Variants in BRWD1 observed in about 807,000 individuals in gnomAD.
BRWD1 encodes the protein bromodomain and WD repeat-containing protein 1.
In BRWD1, 82 loss-of-function variants were observed where a neutral mutation model predicts 251.2. That is an observed-to-expected ratio of 0.33 (90% confidence interval 0.27 to 0.39). BRWD1 has a LOEUF of 0.39. BRWD1 is among the 10% of genes least tolerant of loss of function. BRWD1 has a pLI of 1.00. For missense variants in BRWD1, 2,233 were observed against 2,711.6 expected (o/e 0.82, Z 3.92); for synonymous variants, 918 against 902.8 (o/e 1.02, Z -0.30).
At chr21:39,260,499 A>C in intron 17 of BRWD1, among the ~76,000 whole-genome samples, 1 of 152,214 alleles carries the variant, frequency 6.6e-6, no homozygotes, top group East Asian at 1.9e-4. Flanking sequence ...TCAGAATGTT[A>C]ACTGTCTCTA....
intron 23 of BRWD1, among the ~76,000 whole-genome samples, chr21:39,234,843 T>G (rs2033753816): frequency 6.6e-6 from 1 of 152,170 alleles, no homozygotes; most frequent in Admixed American, 6.5e-5. Context: ...ACATCATCAG[T>G]GAAAACTGTT....
chr21:39,281,855 A>G (rs6517536), intron 8 of BRWD1, among the ~76,000 whole-genome samples: 140,274 of 151,464 alleles, frequency 0.93, 65,309 homozygotes, highest in African/African-American at 0.97. Context: ...ACAACACAGC[A>G]AGACTCCTTC....
intron 33 of BRWD1, among the ~76,000 whole-genome samples, 193 bp downstream of exon 33, chr21:39,213,288 A>C (rs1239382677): frequency 1.3e-5 from 2 of 152,204 alleles, no homozygotes; most frequent in African/African-American, 4.8e-5. Context: ...ATTCACTTAG[A>C]TATATTTTGA....
At chr21:39,257,361 T>C (rs1428842635) in intron 18 of BRWD1, among the ~76,000 whole-genome samples, 1 of 152,194 alleles carries the variant, frequency 6.6e-6, no homozygotes, top group African/African-American at 2.4e-5. Flanking sequence ...CTATTCAGTA[T>C]TCCTGTCTAA....
At chr21:39,275,422 C>T (rs894709016) in intron 12 of BRWD1, among the ~76,000 whole-genome samples, 2 of 152,038 alleles carry the variant, frequency 1.3e-5, no homozygotes, top group African/African-American at 2.4e-5. Context: ...TACTTTTGGT[C>T]GCTAGAAGCT....
intron 4 of BRWD1, among the ~76,000 whole-genome samples, chr21:39,303,688 T>C (rs752875078): frequency 1.7e-4 from 26 of 150,828 alleles, no homozygotes; most frequent in East Asian, 2.0e-4. Context: ...CCAGGTGTGG[T>C]GGTGCATGCC....
chr21:39,277,709 G>A (rs2035321782), intron 10 of BRWD1, among the ~76,000 whole-genome samples: 1 of 152,096 alleles, frequency 6.6e-6, no homozygotes, highest in African/African-American at 2.4e-5. Context: ...GATTACAGGA[G>A]CACACCAGCA....
chr21:39,232,116 T>C, intron 25 of BRWD1, 61 bp downstream of exon 25: 1 of 1,237,780 alleles, frequency 8.1e-7, no homozygotes, highest in Non-Finnish European at 1.2e-6. Context: ...AATAGATTTG[T>C]AAGTAATTTA....
In BRWD1 at chr21:39,243,244, C is replaced by T. The variant is rs1015980027; in HGVS notation, c.2481+4457G>A. ...GCATGACCCTAATCATCAAAATTAC[C>T]AGTCATAAATCATCAAAAAATATCA... On this transcript the variant is annotated intron_variant, in intron 21 of 40. Transcript: ENST00000342449. 3.3e-5 allele frequency among the ~76,000 whole-genome samples: 5 copies of T among 152,158 alleles called. No homozygotes were observed. In the South Asian group the frequency reaches 1.0e-3, roughly 32 times the overall value.
At chr21:39,262,569 G>A (rs895967807) in intron 17 of BRWD1, among the ~76,000 whole-genome samples, 1 of 152,146 alleles carries the variant, frequency 6.6e-6, no homozygotes. Flanking sequence ...ACAAAAATTA[G>A]CTGGGTGTGG....
chr21:39,228,368 AG>A (rs1157192042), intron 27 of BRWD1, 131 bp downstream of exon 27: 1 of 618,058 alleles, frequency 1.6e-6, no homozygotes, highest in Non-Finnish European at 2.9e-6. Context: ...ATATATTTAT[AG>A]GTCACTTATA....
Position 39,295,921 on chromosome 21 carries a change from T to C in BRWD1, c.449-18A>G, listed in dbSNP as rs1244926548. 6.4e-7 allele frequency: 1 copy of C among 1,566,674 alleles called. No individual in the cohort carries two copies. The highest frequency in any genetic ancestry group is 8.7e-7 in the Non-Finnish European group (1 of 1,154,882). Reference sequence around the variant, plus strand: ...TATCTCCACTAGGAAATAAAAACAATGAAAATGGTTAAGGGAGAGCCAATA... The same window carrying C: ...TATCTCCACTAGGAAATAAAAACAACGAAAATGGTTAAGGGAGAGCCAATA... On this transcript the variant is annotated intron_variant, in intron 6 of 40. Transcript: ENST00000342449.
intron 22 of BRWD1, 57 bp from the exon 23 acceptor site, chr21:39,236,841 A>C: frequency 1.4e-6 from 2 of 1,433,128 alleles, no homozygotes; most frequent in Non-Finnish European, 1.9e-6. Context: ...ACTGATAGCA[A>C]GTCAATCATA....
chr21:39,311,471 A>G (rs973067557), intron 4 of BRWD1, among the ~76,000 whole-genome samples: 1 of 152,214 alleles, frequency 6.6e-6, no homozygotes, highest in South Asian at 2.1e-4. Flanking sequence ...AATGTATTTT[A>G]AAAGTAACTT....
chr21:39,219,209 T>TC (rs1242575941), intron 29 of BRWD1, among the ~76,000 whole-genome samples: 1 of 151,960 alleles, frequency 6.6e-6, no homozygotes. Flanking sequence ...TCGCCTGAGG[T>TC]CAGGAGTTTG....
chr21:39,249,554 C>T (rs772798584), intron 20 of BRWD1, among the ~76,000 whole-genome samples: 2 of 152,092 alleles, frequency 1.3e-5, no homozygotes, highest in Non-Finnish European at 1.5e-5. Flanking sequence ...ATTCCCCAAC[C>T]ACAAAAGCAG....
intron 31 of BRWD1, among the ~76,000 whole-genome samples, chr21:39,217,870 C>A (rs567446577): frequency 6.6e-6 from 1 of 151,884 alleles, no homozygotes; most frequent in African/African-American, 2.4e-5. Context: ...TACTAAAGTA[C>A]CAGTGAAAGT....
chr21:39,282,051 T>C (rs2035485609), intron 8 of BRWD1, among the ~76,000 whole-genome samples: 2 of 151,680 alleles, frequency 1.3e-5, no homozygotes, highest in Non-Finnish European at 2.9e-5. Context: ...TGTACATATG[T>C]ATATATACAC....
At chr21:39,281,405 G>C (rs763629759) in intron 8 of BRWD1, among the ~76,000 whole-genome samples, 4 of 152,194 alleles carry the variant, frequency 2.6e-5, no homozygotes, top group Non-Finnish European at 5.9e-5. Context: ...ATCAAAACTT[G>C]CTGACTCGCC....
Sources: allele counts gnomAD v4.1 joint callset (sites outside exome capture counted in the v4.1 genomes callset), GRCh38; gene constraint gnomAD v4.1.1; transcripts MANE v1.5; gene names NCBI Gene and HGNC (gene_info 2026-07-23, HGNC 2026-07-21).